Variants in DNAH9 observed in about 807,000 individuals in gnomAD.
DNAH9 encodes the protein DNAH9 variant protein.
Under a neutral mutation model 471.6 loss-of-function variants are expected in DNAH9, and 345 were observed. That is an observed-to-expected ratio of 0.73 (90% CI 0.67 to 0.80). The LOEUF is 0.80. Ranked by LOEUF, DNAH9 falls within the 30% of genes least tolerant of loss-of-function variation. The probability of loss-of-function intolerance (pLI) is 0.00; values close to 1 mark genes in which losing one functional copy is unlikely to be tolerated. For synonymous variants in DNAH9, 2,093 were observed against 2,123.6 expected (o/e 0.99, Z 0.40); for missense variants, 5,407 against 5,609.2 (o/e 0.96, Z 1.15).
intron 1 of DNAH9, among the ~76,000 whole-genome samples, chr17:11,605,173 G>A (rs2150629974): frequency 6.6e-6 from 1 of 152,200 alleles, no homozygotes; most frequent in East Asian, 1.9e-4. Context: ...CCAAGGATCT[G>A]CAAAGCACTC....
At position 11,786,225 on chromosome 17, in the gene DNAH9, C is replaced by T. The variant is rs891473106; in HGVS notation, c.8061+1686C>T. Among the ~76,000 whole-genome samples, 3 of 152,174 alleles carry T rather than the reference C, an allele frequency of 2.0e-5. No homozygotes were observed. In the East Asian group the frequency reaches 5.8e-4, roughly 29 times the overall value. Reference sequence around the variant, plus strand: ...TCTGCCTGGAACAGTGGTCTTGTCCCCTGTACAACCTGAAATGTAATACTC... The same window carrying T: ...TCTGCCTGGAACAGTGGTCTTGTCCTCTGTACAACCTGAAATGTAATACTC... On this transcript the variant is annotated intron_variant, in intron 41 of 68. Coordinates refer to ENST00000262442, the MANE Select transcript of DNAH9 (RefSeq NM_001372.4).
Position 11,923,830 on chromosome 17 carries a change from C to T in DNAH9, c.11766C>T (p.Tyr3922=), listed in dbSNP as rs1974222768. ...DVESQGRKLG[Y]TFNNQNFHNV... ...TCCTTTTAGGAAGAAAACTTGGATA[C>T]ACCTTCAACAATCAGAACTTTCACA... Residue 3922 remains tyrosine, a synonymous_variant, in exon 62 of 69, where the codon TAC becomes TAT. Transcript: ENST00000262442. The T allele has an allele frequency of 1.9e-6, 3 of 1,613,894 alleles. No individual in the cohort carries two copies. The highest frequency in any genetic ancestry group is 2.5e-6 in the Non-Finnish European group (3 of 1,179,898).
In DNAH9 at chr17:11,871,460, A is replaced by G. The variant is rs187420247; in HGVS notation, c.10054-138A>G. On this transcript the variant is annotated intron_variant, in intron 51 of 68. Transcript: ENST00000262442. ...GCTACAGGCAGCACAAATCCCCATT[A>G]ACGGAAAGGGCCATATAAGTGATAT... is the stretch of plus-strand genomic sequence containing the variant. 3.7e-4 allele frequency: 269 copies of G among 727,350 alleles called. 1 individual carries two copies. Among genetic ancestry groups the G allele is most frequent in the South Asian group, 3.4e-3 (186 of 54,104 alleles). 45.1% of individuals were successfully genotyped at this position (727,350 alleles called of 1,614,324 possible).
At chr17:11,645,342 A>G (rs1567686762) in intron 11 of DNAH9, among the ~76,000 whole-genome samples, 1 of 151,980 alleles carries the variant, frequency 6.6e-6, no homozygotes. Flanking sequence ...CACCCCTTTT[A>G]CCTCTAAAAT....
intron 67 of DNAH9, among the ~76,000 whole-genome samples, chr17:11,954,248 G>T (rs898516961): frequency 2.0e-5 from 3 of 151,194 alleles, no homozygotes; most frequent in Non-Finnish European, 4.4e-5. Context: ...GGAAGGGGGG[G>T]GCCAAAAAAA....
At chr17:11,829,267 A>G (rs1369227719) in intron 48 of DNAH9, among the ~76,000 whole-genome samples, 2 of 152,228 alleles carry the variant, frequency 1.3e-5, no homozygotes, top group Non-Finnish European at 2.9e-5. Context: ...TTGTATTGGT[A>G]TCCTACCGCT....
At chr17:11,943,382 C>T (rs1194027026) in intron 67 of DNAH9, among the ~76,000 whole-genome samples, 4 of 151,938 alleles carry the variant, frequency 2.6e-5, no homozygotes, top group Non-Finnish European at 4.4e-5. Context: ...AAACGGACTG[C>T]AAAATCTAGG....
chr17:11,806,175 C>T (rs1482859207), intron 43 of DNAH9, among the ~76,000 whole-genome samples: 1 of 152,124 alleles, frequency 6.6e-6, no homozygotes, highest in Non-Finnish European at 1.5e-5. Flanking sequence ...ATTCAACTAA[C>T]ACATCCAGTA....
chr17:11,960,341 CAGG>C (rs1327578351), intron 67 of DNAH9, among the ~76,000 whole-genome samples: 1 of 145,086 alleles, frequency 6.9e-6, no homozygotes, highest in East Asian at 2.1e-4. Context: ...GAGGCTGAGG[CAGG>C]AGAATTCCTT....
chr17:11,881,122 A>G, intron 54 of DNAH9, 87 bp from the exon 55 acceptor site: 1 of 1,220,106 alleles, frequency 8.2e-7, no homozygotes, highest in Non-Finnish European at 1.2e-6. Context: ...GAATATAGCA[A>G]TATTGTTTGA....
intron 37 of DNAH9, 31 bp downstream of exon 37, chr17:11,768,657 G>A (rs764679224): frequency 2.0e-5 from 32 of 1,603,188 alleles, no homozygotes; most frequent in Middle Eastern, 1.7e-4. Context: ...GAGGACGTGC[G>A]TGCAGTTGCC....
intron 61 of DNAH9, among the ~76,000 whole-genome samples, chr17:11,919,739 A>G (rs1371607013): frequency 1.3e-5 from 2 of 152,060 alleles, no homozygotes; most frequent in Non-Finnish European, 2.9e-5. Context: ...GAAGGAGGCA[A>G]TGGAGTTGAG....
chr17:11,728,758 T>C (rs539882318), intron 28 of DNAH9, among the ~76,000 whole-genome samples: 2 of 152,274 alleles, frequency 1.3e-5, no homozygotes, highest in South Asian at 2.1e-4. Flanking sequence ...CAGGCACTTT[T>C]CATACATCAT....
At chr17:11,948,919 C>G (rs915153911) in intron 67 of DNAH9, among the ~76,000 whole-genome samples, 1 of 152,190 alleles carries the variant, frequency 6.6e-6, no homozygotes, top group Non-Finnish European at 1.5e-5. Context: ...TCCCCTGGCC[C>G]TCTGTGGACT....
rs79564886 is a variant in DNAH9, at chr17:11,758,600, G to A, written c.6995+908G>A. Among the ~76,000 whole-genome samples the A allele has an allele frequency of 5.1e-3, 774 of 152,204 alleles. 6 individuals are homozygous for A. The highest frequency in any genetic ancestry group is 0.018 in the African/African-American group (754 of 41,526). On this transcript the variant is annotated intron_variant, in intron 35 of 68. Coordinates refer to ENST00000262442, the MANE Select transcript of DNAH9 (RefSeq NM_001372.4). ...CCTTGGCTTGTCAAGCATGGGATAT[G>A]ATTGTGCCTCCAATGGTTTGCAAGC...
chr17:11,831,969 A>C (rs573866613), intron 48 of DNAH9, among the ~76,000 whole-genome samples: 3 of 152,324 alleles, frequency 2.0e-5, no homozygotes, highest in African/African-American at 7.2e-5. Context: ...GGGGACCAGC[A>C]GGGCTGAGGG....
chr17:11,647,203 G>T lies in DNAH9; in HGVS notation c.2097+5G>T. The T allele has an allele frequency of 1.2e-6, 2 of 1,613,538 alleles. No homozygotes were observed. Among genetic ancestry groups the T allele is most frequent in the Non-Finnish European group, 8.5e-7 (1 of 1,179,626 alleles). On this transcript the variant is annotated splice_donor_5th_base_variant and intron_variant, in intron 12 of 68. Transcript: ENST00000262442. ...ACTATCAACTTTAACCCACAGGTCA[G>T]TTGGCTGACAGTAGCTCTCTTTTGG... is the stretch of plus-strand genomic sequence containing the variant.
rs551718893 is a variant in DNAH9, at chr17:11,957,267, T to G, written c.12844-4600T>G. Reference sequence around the variant, plus strand: ...AAAAAATTGAATTCATGACTTAAAATTTCCCACAAAGAAAACCCCTGATCC... The same window carrying G: ...AAAAAATTGAATTCATGACTTAAAAGTTCCCACAAAGAAAACCCCTGATCC... On this transcript the variant is annotated intron_variant, in intron 67 of 68. Transcript: ENST00000262442. Among the ~76,000 whole-genome samples, 4 of 152,218 alleles carry G rather than the reference T, an allele frequency of 2.6e-5. No homozygotes were observed. The South Asian group carries it at 8.3e-4, about 32-fold the overall frequency.
intron 19 of DNAH9, among the ~76,000 whole-genome samples, chr17:11,687,986 T>C (rs2074267883): frequency 6.8e-6 from 1 of 146,838 alleles, no homozygotes; most frequent in South Asian, 2.2e-4. Flanking sequence ...TACAAAAAAT[T>C]AGCCAGTCTT....
Sources: gnomAD v4.1 joint callset for allele counts (sites outside exome capture counted in the v4.1 genomes callset) on GRCh38, gnomAD v4.1.1 for gene constraint, MANE v1.5 for transcripts, NCBI Gene and HGNC (gene_info 2026-07-23, HGNC 2026-07-21) for gene names.